CAPN11: variants seen among roughly 807,000 people sequenced by gnomAD.
CAPN11 encodes calpain 11, also known as calpain-11.
CAPN11 carries 108 observed loss-of-function variants against 105.3 expected under a neutral mutation model. The observed-to-expected ratio is 1.03, with a 90% CI of 0.88 to 1.20. The LOEUF is 1.20. CAPN11 is among the 50% of genes most tolerant of loss of function. The probability of loss-of-function intolerance (pLI) is 0.00; values close to 1 mark genes in which losing one functional copy is unlikely to be tolerated. For missense variants in CAPN11, 883 were observed against 924.8 expected, an observed-to-expected ratio of 0.95 and a Z score of 0.59; for synonymous variants, 329 against 344.5, an observed-to-expected ratio of 0.96 and a Z score of 0.50.
chr6:44,169,191 C>T (rs778245204), intron 2 of CAPN11, 90 bp from the exon 3 acceptor site: 3 of 1,371,958 alleles, frequency 2.2e-6, no homozygotes, highest in South Asian at 1.4e-5. Flanking sequence ...ACCTCAGCCT[C>T]CCAAAGTGCT....
Position 44,181,297 on chromosome 6 carries a change from T to A in CAPN11, c.1915T>A (p.Trp639Arg). The stretch of plus-strand genomic sequence containing the variant: ...GGGGCTTCTAGAGTTCAAGATCCTG[T>A]GGAAAAAACTCAAGAAATGGATGGT... ...KLGLLEFKIL[W>R]KKLKKWMDIF... Residue 639 changes from tryptophan (W) to arginine (R), a missense_variant, in exon 19 of 23, where the codon TGG becomes AGG. Physicochemically the swap from Trp to Arg is moderately radical, Grantham distance 101. Coordinates refer to ENST00000398776, the MANE Select transcript of CAPN11 (RefSeq NM_007058.4). 1 of 1,613,176 alleles carries A rather than the reference T, an allele frequency of 6.2e-7. No homozygotes were observed. The highest frequency in any genetic ancestry group is 8.5e-7 in the Non-Finnish European group (1 of 1,179,556).
At chr6:44,162,737 G>A (rs539988902) in intron 1 of CAPN11, among the ~76,000 whole-genome samples, 118 of 152,186 alleles carry the variant, frequency 7.8e-4, no homozygotes, top group Non-Finnish European at 1.2e-3. Flanking sequence ...CTGTCTTTGC[G>A]GCCCATGGAG....
At chr6:44,175,809 C>T (rs920630582) in intron 7 of CAPN11, among the ~76,000 whole-genome samples, 5 of 151,684 alleles carry the variant, frequency 3.3e-5, no homozygotes, top group African/African-American at 4.9e-5. Context: ...ATTTTTAAAA[C>T]GTTCTAGTTT....
At chr6:44,183,427 C>T (rs1007577742) in intron 21 of CAPN11, among the ~76,000 whole-genome samples, 192 bp downstream of exon 21, 4 of 152,224 alleles carry the variant, frequency 2.6e-5, no homozygotes, top group Non-Finnish European at 4.4e-5. Context: ...TCTGTGCCTC[C>T]ATTCCCTCCT....
rs879392759 is a variant in CAPN11, at chr6:44,168,602, TA to T, written c.89-671del. Among the ~76,000 whole-genome samples the T allele has an allele frequency of 5.7e-4, 87 of 151,510 alleles. 1 individual carries two copies. The highest frequency in any genetic ancestry group is 1.6e-3 in the African/African-American group (66 of 41,344). On this transcript the variant is annotated intron_variant, in intron 2 of 22. Coordinates refer to ENST00000398776, the MANE Select transcript of CAPN11 (RefSeq NM_007058.4). ...TTCTTTGTGACTGTCTTCTTTCATTTAAAAAAAATATTTATTTATTTATTTT... is the reference window on the plus strand; with the variant it reads ...TTCTTTGTGACTGTCTTCTTTCATTTAAAAAAATATTTATTTATTTATTTT...
chr6:44,173,966 C>T (rs1771498274), intron 7 of CAPN11, among the ~76,000 whole-genome samples: 1 of 152,176 alleles, frequency 6.6e-6, no homozygotes, highest in South Asian at 2.1e-4. Flanking sequence ...TCTATGTTTT[C>T]ACTCATAGCC....
Position 44,172,366 on chromosome 6 carries a change from G to A in CAPN11, c.474G>A (p.Val158=), listed in dbSNP as rs774641753. ...LTTCPKLLYR[V]VPRGQSFKKN... ...CCTGCCCCAAACTGCTATACCGCGT[G>A]GTGCCCAGAGGACAGAGCTTCAAGA... is the stretch of plus-strand genomic sequence containing the variant. Residue 158 remains valine (V), a synonymous_variant, in exon 5 of 23, where the codon GTG becomes GTA. Transcript: ENST00000398776. 4 of 1,561,796 alleles carry A rather than the reference G, an allele frequency of 2.6e-6. No individual in the cohort carries two copies. The African/African-American group carries it at 4.1e-5, about 16-fold the overall frequency.
In CAPN11 at chr6:44,172,190, G is replaced by A. The variant is rs1247375939; in HGVS notation, c.410-112G>A. ...AGGGAGGGTGCCTCTCCGCCGGGGG[G>A]GTGAGAATGGGGTACAGGGTCAAGT... On this transcript the variant is annotated intron_variant, in intron 4 of 22. Coordinates refer to ENST00000398776, the MANE Select transcript of CAPN11 (RefSeq NM_007058.4). 7 of 609,402 alleles carry A rather than the reference G, an allele frequency of 1.1e-5. No individual in the cohort carries two copies. In the East Asian group the frequency reaches 1.8e-4, roughly 16 times the overall value. 37.7% of individuals were successfully genotyped at this position (609,402 alleles called of 1,614,324 possible). A position where few individuals can be genotyped will look rare whatever the true frequency, so the allele number is the denominator to read the frequency against.
At chr6:44,158,945 C>T in intron 1 of CAPN11, 81 bp downstream of exon 1, 2 of 1,227,472 alleles carry the variant, frequency 1.6e-6, no homozygotes, top group South Asian at 1.4e-5. Flanking sequence ...CTGTGTCCCG[C>T]ATCAGACTGG....
intron 2 of CAPN11, 120 bp downstream of exon 2, chr6:44,166,949 G>GGGGGGGGGGGTATGT: frequency 1.7e-6 from 1 of 572,738 alleles, no homozygotes; most frequent in Non-Finnish European, 3.2e-6. Context: ...GGGGAGGGCG[G>GGGGGGGGGGGTATGT]CGGGGGGAGG....
intron 19 of CAPN11, among the ~76,000 whole-genome samples, chr6:44,182,224 T>C (rs113161587): frequency 0.015 from 404 of 27,742 alleles, 3 homozygotes; most frequent in Non-Finnish European, 0.017. Context: ...CACACACACA[T>C]ACACACTCAC....
intron 2 of CAPN11, 52 bp downstream of exon 2, chr6:44,166,881 C>G: frequency 2.8e-6 from 3 of 1,058,740 alleles, no homozygotes; most frequent in South Asian, 2.7e-5. Context: ...TCTTCCTCCT[C>G]CTTCACTCTC....
In CAPN11 at chr6:44,173,378, T is replaced by G; in HGVS notation, c.823T>G (p.Ser275Ala). Reference sequence around the variant, plus strand: ...GGAGCGATCCTCCCTCATGGGTTGCTCCATTGAAGTAAGCAAAGCATGGTC... The same window carrying G: ...GGAGCGATCCTCCCTCATGGGTTGCGCCATTGAAGTAAGCAAAGCATGGTC... ...AVERSSLMGC[S>A]IEVTSDSELE... The change falls in exon 7 of 23, where the codon TCC (serine) becomes GCC (alanine). Residue 275 changes from serine to alanine, a missense_variant. By Grantham distance (99) the Ser-to-Ala change is moderately conservative. Transcript: ENST00000398776. The G allele has an allele frequency of 6.2e-7, 1 of 1,607,360 alleles. No homozygotes were observed. Among genetic ancestry groups the G allele is most frequent in the Non-Finnish European group, 8.5e-7 (1 of 1,176,610 alleles).
chr6:44,183,996 G>A lies in CAPN11; in HGVS notation c.*64G>A. 1 of 1,535,168 alleles carries A rather than the reference G, an allele frequency of 6.5e-7. No individual in the cohort carries two copies. The highest frequency in any genetic ancestry group is 2.4e-5 in the East Asian group (1 of 40,822). On this transcript the variant is annotated 3_prime_UTR_variant, in exon 23 of 23. Coordinates refer to ENST00000398776, the MANE Select transcript of CAPN11 (RefSeq NM_007058.4). ...CAGCAGCGAGGTTCTAGCCCAGGAG[G>A]GTGGGGTGCTTCTTGTAGCCCTCAG...
chr6:44,180,876 C>T, intron 17 of CAPN11, 57 bp from the exon 18 acceptor site: 1 of 1,598,490 alleles, frequency 6.3e-7, no homozygotes, highest in Non-Finnish European at 8.6e-7. Context: ...ACTCCCAGTG[C>T]CCCCACGATA....
At chr6:44,159,156 A>G (rs541002665) in intron 1 of CAPN11, among the ~76,000 whole-genome samples, 1 of 152,024 alleles carries the variant, frequency 6.6e-6, no homozygotes, top group Non-Finnish European at 1.5e-5. Flanking sequence ...CTCTCCACTG[A>G]CAGTTGGAGT....
intron 12 of CAPN11, among the ~76,000 whole-genome samples, chr6:44,178,878 G>A (rs954261049): frequency 4.0e-5 from 6 of 151,800 alleles, no homozygotes; most frequent in Admixed American, 6.6e-5. Flanking sequence ...AGCCATGATC[G>A]CACCACTGCT....
At chr6:44,182,450 T>C (rs925934099) in intron 19 of CAPN11, among the ~76,000 whole-genome samples, 15 of 152,222 alleles carry the variant, frequency 9.9e-5, no homozygotes, top group Non-Finnish European at 1.3e-4. Context: ...CAAAGAGCGC[T>C]GGGCAGGGCA....
chr6:44,172,505 T>C (rs900988056), intron 5 of CAPN11, 85 bp downstream of exon 5: 2 of 784,912 alleles, frequency 2.5e-6, no homozygotes, highest in Admixed American at 3.2e-5. Flanking sequence ...TTCTTTCCTT[T>C]TGAAAAATAG....
Sources: gnomAD v4.1 joint callset for allele counts (sites outside exome capture counted in the v4.1 genomes callset) on GRCh38, gnomAD v4.1.1 for gene constraint, MANE v1.5 for transcripts, NCBI Gene and HGNC (gene_info 2026-07-23, HGNC 2026-07-21) for gene names.